EHMT1: variants seen among roughly 807,000 people sequenced by gnomAD.
EHMT1 encodes euchromatic histone lysine methyltransferase 1.
In EHMT1, 15 loss-of-function variants were observed where a neutral mutation model predicts 147.2. That is an observed-to-expected ratio of 0.10 (90% CI 0.07 to 0.16). The LOEUF (loss-of-function observed/expected upper bound fraction) is 0.16. Ranked by LOEUF, EHMT1 falls within the 10% of genes least tolerant of loss-of-function variation. The pLI, the probability that EHMT1 is intolerant of heterozygous loss-of-function variation, is 1.00. For synonymous variants in EHMT1, 795 were observed against 709.6 expected, an observed-to-expected ratio of 1.12 and a Z score of -1.91; for missense variants, 1,587 against 1,772.4, an observed-to-expected ratio of 0.90 and a Z score of 1.88.
rs551711984 is a variant in EHMT1 at position 137,832,125 on chromosome 9, C to T, written c.3541-2224C>T. On this transcript the variant is annotated intron_variant, in intron 25 of 26. Transcript: ENST00000460843. ...GTCCTAGGATTGGCTGGGCTCCCTC[C>T]GCAGAACCCCCCAACCCCACGTGGC... 2.4e-4 allele frequency among the ~76,000 whole-genome samples: 37 copies of T among 151,034 alleles called. 1 individual carries two copies. Among genetic ancestry groups the T allele is most frequent in the Admixed American group, 2.0e-3 (31 of 15,212 alleles).
At chr9:137,817,323 T>A (rs1455995958) in intron 23 of EHMT1, 116 bp from the exon 24 acceptor site, 1 of 1,199,744 alleles carries the variant, frequency 8.3e-7, no homozygotes, top group Non-Finnish European at 1.2e-6. Flanking sequence ...ACGCTTCGGA[T>A]ACAGAACCAG....
intron 18 of EHMT1, among the ~76,000 whole-genome samples, chr9:137,805,286 AGTCAGTCATCTGCATGTCTGT>A (rs1953852562): frequency 6.6e-6 from 1 of 151,938 alleles, no homozygotes. Flanking sequence ...TGCATGTATG[AGTCAGTCATCTGCATGTCTGT>A]GAGTCTGTCG....
chr9:137,710,441 C>G (rs896765665), intron 1 of EHMT1, among the ~76,000 whole-genome samples: 1 of 152,184 alleles, frequency 6.6e-6, no homozygotes, highest in African/African-American at 2.4e-5. Flanking sequence ...CCACTGTACT[C>G]CAGCCTGGGC....
At chr9:137,725,775 G>C (rs2135734809) in intron 3 of EHMT1, among the ~76,000 whole-genome samples, 1 of 152,246 alleles carries the variant, frequency 6.6e-6, no homozygotes, top group East Asian at 1.9e-4. Context: ...GAGAGAGGTG[G>C]AGACCGTGAG....
chr9:137,770,322 T>A (rs1950511538), intron 10 of EHMT1, among the ~76,000 whole-genome samples: 1 of 152,248 alleles, frequency 6.6e-6, no homozygotes, highest in Admixed American at 6.5e-5. Flanking sequence ...TTGAGTATAC[T>A]TCTGAGCCAG....
At chr9:137,804,014 A>G (rs905272624) in intron 18 of EHMT1, among the ~76,000 whole-genome samples, 12 of 152,136 alleles carry the variant, frequency 7.9e-5, no homozygotes, top group Non-Finnish European at 1.3e-4. Context: ...GTCCTCGGGA[A>G]ACTTAACAAT....
chr9:137,670,714 C>T (rs559527759), intron 1 of EHMT1, among the ~76,000 whole-genome samples: 2 of 152,328 alleles, frequency 1.3e-5, no homozygotes, highest in African/African-American at 4.8e-5. Context: ...CCCCTCCTGG[C>T]TCCAGTTCCT....
chr9:137,643,751 T>C (rs959583641), intron 1 of EHMT1, among the ~76,000 whole-genome samples: 1 of 152,208 alleles, frequency 6.6e-6, no homozygotes, highest in Non-Finnish European at 1.5e-5. Flanking sequence ...CATGACACGT[T>C]GCTCCTCTGT....
chr9:137,812,488 GT>G (rs1433620687), intron 19 of EHMT1, among the ~76,000 whole-genome samples: 1 of 152,246 alleles, frequency 6.6e-6, no homozygotes, highest in Non-Finnish European at 1.5e-5. Flanking sequence ...CCAGCCTCCA[GT>G]GACTCCCTGG....
intron 10 of EHMT1, among the ~76,000 whole-genome samples, chr9:137,773,764 G>A (rs940318099): frequency 1.3e-5 from 2 of 152,184 alleles, no homozygotes; most frequent in African/African-American, 2.4e-5. Context: ...GACCGAATAC[G>A]AAGAATGTCA....
Position 137,798,800 on chromosome 9 carries a change from A to G in EHMT1, c.2506-13A>G, listed in dbSNP as rs1953185606. The G allele has an allele frequency of 1.9e-6, 3 of 1,611,672 alleles. No homozygotes were observed. In the East Asian group the frequency reaches 6.7e-5, roughly 36 times the overall value. ...GGTATGGATTCTTTGACTAAGTGGC[A>G]TTTCTGTTGCAGGACGCAGAGGGCT... On this transcript the variant is annotated splice_polypyrimidine_tract_variant and intron_variant, in intron 16 of 26. Transcript: ENST00000460843.
rs748761329 is a variant in EHMT1 at position 137,762,828 on chromosome 9, C to T, written c.1647+8C>T. On this transcript the variant is annotated splice_region_variant and intron_variant, in intron 10 of 26. Transcript: ENST00000460843. ...GAGAGCGTGGACCATGAAGTAAGCA[C>T]GTTTGTTTTCATTTAAAGCAGCCAC... 1.3e-5 allele frequency: 21 copies of T among 1,613,960 alleles called. No homozygotes were observed. Among genetic ancestry groups the T allele is most frequent in the Admixed American group, 1.7e-5 (1 of 60,010 alleles).
chr9:137,800,335 CA>C (rs1380126140), intron 17 of EHMT1: 3 of 163,580 alleles, frequency 1.8e-5, no homozygotes, highest in Non-Finnish European at 4.0e-5. Flanking sequence ...CAGGAGGAAG[CA>C]GGGGCGTCCG....
chr9:137,661,104 T>A (rs535416513), intron 1 of EHMT1, among the ~76,000 whole-genome samples: 104 of 152,360 alleles, frequency 6.8e-4, no homozygotes, highest in African/African-American at 2.3e-3. Context: ...ATGACTTTTT[T>A]AAATTTTTAG....
chr9:137,656,328 T>C (rs1938442133), intron 1 of EHMT1, among the ~76,000 whole-genome samples: 2 of 152,138 alleles, frequency 1.3e-5, no homozygotes, highest in African/African-American at 4.8e-5. Context: ...TGCAGTGAGC[T>C]GAGTTGGCAC....
chr9:137,674,928 T>A (rs978195102), intron 1 of EHMT1: 1 of 152,230 alleles, frequency 6.6e-6, no homozygotes, highest in Non-Finnish European at 1.5e-5. Flanking sequence ...CTGAAAATCA[T>A]TGGGCTAGGT....
intron 8 of EHMT1, among the ~76,000 whole-genome samples, chr9:137,757,325 G>A (rs909923924): frequency 2.0e-5 from 3 of 152,304 alleles, no homozygotes; most frequent in South Asian, 2.1e-4. Flanking sequence ...TGAGCCTCCC[G>A]TGTTTACTGG....
At chr9:137,824,303 A>G (rs1339347826) in intron 25 of EHMT1, among the ~76,000 whole-genome samples, 2 of 152,108 alleles carry the variant, frequency 1.3e-5, no homozygotes, top group African/African-American at 4.8e-5. Context: ...TTAATCCAGC[A>G]CCACTAGTTC....
chr9:137,659,532 G>T (rs1468592270), intron 1 of EHMT1, among the ~76,000 whole-genome samples: 1 of 151,372 alleles, frequency 6.6e-6, no homozygotes, highest in Non-Finnish European at 1.5e-5. Flanking sequence ...AGTGTGTGCC[G>T]CCATGCCTGG....
Sources: gnomAD v4.1 joint callset for allele counts (sites outside exome capture counted in the v4.1 genomes callset) on GRCh38, gnomAD v4.1.1 for gene constraint, MANE v1.5 for transcripts, NCBI Gene and HGNC (gene_info 2026-07-23, HGNC 2026-07-21) for gene names.